The following TFPI variants were observed in gnomAD, a reference collection of about 807,000 sequenced individuals.
TFPI encodes the protein tissue factor pathway inhibitor.
Under a neutral mutation model 34.6 loss-of-function variants are expected in TFPI, and 15 were observed. That is an observed-to-expected ratio of 0.43 (90% CI 0.29 to 0.67). TFPI has a LOEUF of 0.67. Among genes scored for constraint, TFPI ranks in the 30% least tolerant of loss-of-function variants. The probability of loss-of-function intolerance (pLI) is 0.15; values close to 1 mark genes in which losing one functional copy is unlikely to be tolerated. For missense variants in TFPI, 301 were observed against 364.0 expected (o/e 0.83, Z 1.41); for synonymous variants, 105 against 120.1 (o/e 0.87, Z 0.82).
intron 3 of TFPI, among the ~76,000 whole-genome samples, chr2:187,489,088 T>C (rs1684924385): frequency 6.6e-6 from 1 of 151,494 alleles, no homozygotes; most frequent in East Asian, 1.9e-4. Context: ...AGTTGAGTGG[T>C]ATTTATTTTG....
At chr2:187,502,351 A>G (rs1417554253) in intron 2 of TFPI, among the ~76,000 whole-genome samples, 1 of 152,158 alleles carries the variant, frequency 6.6e-6, no homozygotes, top group Admixed American at 6.6e-5. Flanking sequence ...TACAGGGAAC[A>G]CTTGGATCTA....
intron 3 of TFPI, among the ~76,000 whole-genome samples, chr2:187,495,402 G>C (rs1436334345): frequency 6.6e-6 from 1 of 152,150 alleles, no homozygotes; most frequent in East Asian, 1.9e-4. Flanking sequence ...GAAGAAAATG[G>C]GGTATAGAAA....
intron 6 of TFPI, among the ~76,000 whole-genome samples, chr2:187,476,459 C>T (rs1692383581): frequency 6.6e-6 from 1 of 152,078 alleles, no homozygotes; most frequent in Non-Finnish European, 1.5e-5. Flanking sequence ...CCCACCTCAG[C>T]CTCCAGAATA....
intron 1 of TFPI, 114 bp downstream of exon 1, chr2:187,554,086 A>G (rs1295980765): frequency 6.6e-6 from 1 of 152,220 alleles, no homozygotes; most frequent in Non-Finnish European, 1.5e-5. Context: ...TTACGCAAAT[A>G]AACAGTGATC....
chr2:187,552,144 A>C (rs1219278321), intron 1 of TFPI, among the ~76,000 whole-genome samples: 1 of 45,072 alleles, frequency 2.2e-5, no homozygotes, highest in Non-Finnish European at 4.4e-5. Flanking sequence ...AAGGATGTTT[A>C]CTTTGCATTT....
intron 1 of TFPI, among the ~76,000 whole-genome samples, chr2:187,524,031 T>C (rs1687554939): frequency 6.6e-6 from 1 of 152,104 alleles, no homozygotes; most frequent in African/African-American, 2.4e-5. Flanking sequence ...GTCTGGCTTC[T>C]TTCACTTAGC....
intron 2 of TFPI, among the ~76,000 whole-genome samples, chr2:187,501,925 A>T (rs892682620): frequency 6.6e-6 from 1 of 152,160 alleles, no homozygotes; most frequent in Non-Finnish European, 1.5e-5. Flanking sequence ...AGAAGCAATA[A>T]AATTTGATGT....
intron 3 of TFPI, among the ~76,000 whole-genome samples, chr2:187,490,759 C>A (rs1685068851): frequency 1.3e-5 from 2 of 151,590 alleles, no homozygotes; most frequent in East Asian, 1.9e-4. Flanking sequence ...ATATCACTAG[C>A]AATTTGATTT....
chr2:187,503,426 C>T (rs1685982104), intron 2 of TFPI, among the ~76,000 whole-genome samples: 1 of 149,806 alleles, frequency 6.7e-6, no homozygotes, highest in African/African-American at 2.4e-5. Flanking sequence ...GCTAAAGTTA[C>T]TTGGTTTCGG....
intron 6 of TFPI, chr2:187,483,801 C>G: frequency 3.5e-6 from 1 of 282,230 alleles, no homozygotes; most frequent in South Asian, 4.5e-5. Flanking sequence ...AATGATTTAC[C>G]ATCTTACACT....
At chr2:187,490,573 C>G (rs575329238) in intron 3 of TFPI, among the ~76,000 whole-genome samples, 1 of 151,464 alleles carries the variant, frequency 6.6e-6, no homozygotes, top group African/African-American at 2.4e-5. Context: ...ATATCTTTTT[C>G]TATCCTTTCA....
At position 187,474,643 on chromosome 2, in the gene TFPI, A is replaced by G. The variant is rs148449110; in HGVS notation, c.629-6711T>C. 4.1e-3 allele frequency among the ~76,000 whole-genome samples: 627 copies of G among 152,276 alleles called. 2 individuals carry two copies. The highest frequency in any genetic ancestry group is 0.014 in the African/African-American group (599 of 41,566). ...AATTACCACAACCGAAGCAGTTACC[A>G]TGGGAGTAGCTAAAATTAAGCACCA... On this transcript the variant is annotated intron_variant, in intron 6 of 7. Coordinates refer to ENST00000233156, the MANE Select transcript of TFPI (RefSeq NM_006287.6).
intron 1 of TFPI, among the ~76,000 whole-genome samples, chr2:187,526,508 A>G (rs1687686089): frequency 6.6e-6 from 1 of 152,176 alleles, no homozygotes; most frequent in African/African-American, 2.4e-5. Flanking sequence ...AGAGAGTAAT[A>G]GGATTAAATC....
At chr2:187,535,673 A>C (rs1453247343) in intron 1 of TFPI, among the ~76,000 whole-genome samples, 1 of 152,192 alleles carries the variant, frequency 6.6e-6, no homozygotes, top group Non-Finnish European at 1.5e-5. Context: ...CAATTAAAAG[A>C]ACTAGAGAAG....
chr2:187,495,231 T>C (rs998183069), intron 3 of TFPI, among the ~76,000 whole-genome samples: 1 of 152,064 alleles, frequency 6.6e-6, no homozygotes, highest in Admixed American at 6.5e-5. Flanking sequence ...AAAGAACAGG[T>C]ATATATTTCA....
chr2:187,550,334 C>A (rs574462817), intron 1 of TFPI, among the ~76,000 whole-genome samples: 1 of 152,218 alleles, frequency 6.6e-6, no homozygotes, highest in Admixed American at 6.5e-5. Flanking sequence ...GTTCATGGAG[C>A]ATTAAGTATA....
At chr2:187,549,494 C>G (rs1421553348) in intron 1 of TFPI, among the ~76,000 whole-genome samples, 3 of 152,024 alleles carry the variant, frequency 2.0e-5, no homozygotes, top group Non-Finnish European at 4.4e-5. Context: ...TGATTTTAAG[C>G]ATGTGGAGCT....
intron 1 of TFPI, among the ~76,000 whole-genome samples, chr2:187,533,276 C>A (rs184562999): frequency 6.6e-5 from 10 of 152,230 alleles, no homozygotes; most frequent in Non-Finnish European, 1.5e-4. Flanking sequence ...CTGGGAGACA[C>A]CTCCCAGCAA....
At position 187,474,088 on chromosome 2, in the gene TFPI, C is replaced by A. The variant is rs76846713; in HGVS notation, c.629-6156G>T. ...AAGCAAGGCCACAAAGAAAGAAAGC[C>A]ATGGTAAAATTATAGATTATACAGC... On this transcript the variant is annotated intron_variant, in intron 6 of 7. Transcript: ENST00000233156. Among the ~76,000 whole-genome samples, 896 of 152,092 alleles carry A rather than the reference C, an allele frequency of 5.9e-3. 4 individuals carry two copies. The highest frequency in any genetic ancestry group is 0.021 in the African/African-American group (865 of 41,520).
Sources: gnomAD v4.1 joint callset for allele counts (sites outside exome capture counted in the v4.1 genomes callset) on GRCh38, gnomAD v4.1.1 for gene constraint, MANE v1.5 for transcripts, NCBI Gene and HGNC (gene_info 2026-07-23, HGNC 2026-07-21) for gene names.